Variants in KCNK2 observed in about 807,000 individuals in gnomAD.
KCNK2 encodes potassium two pore domain channel subfamily K member 2, also known as potassium channel subfamily K member 2.
Under a neutral mutation model 40.5 loss-of-function variants are expected in KCNK2, and 21 were observed. The ratio of observed to expected loss-of-function variants is 0.52; its 90% CI spans 0.37 to 0.75. The LOEUF is 0.75. Ranked by LOEUF, KCNK2 falls within the 30% of genes least tolerant of loss-of-function variation. The probability of loss-of-function intolerance (pLI) is 0.00; values close to 1 mark genes in which losing one functional copy is unlikely to be tolerated. For missense variants in KCNK2, 399 were observed against 531.6 expected (o/e 0.75, Z 2.45); for synonymous variants, 191 against 202.2 (o/e 0.94, Z 0.47).
At chr1:215,218,434 T>A (rs1666041400) in intron 6 of KCNK2, among the ~76,000 whole-genome samples, 1 of 152,210 alleles carries the variant, frequency 6.6e-6, no homozygotes, top group Non-Finnish European at 1.5e-5. Flanking sequence ...TATGTCCTAC[T>A]CTAATGTCCC....
intron 1 of KCNK2, among the ~76,000 whole-genome samples, chr1:215,062,841 T>G (rs1312628509): frequency 1.3e-5 from 2 of 152,038 alleles, no homozygotes; most frequent in African/African-American, 4.8e-5. Flanking sequence ...AACTCAACTA[T>G]GTGTTGGGTG....
At chr1:215,231,919 A>T (rs1195574097) in intron 6 of KCNK2, among the ~76,000 whole-genome samples, 1 of 152,116 alleles carries the variant, frequency 6.6e-6, no homozygotes, top group Non-Finnish European at 1.5e-5. Context: ...ATCTCATGAG[A>T]CTAATTCACT....
At chr1:215,025,442 T>C (rs1208136400) in intron 1 of KCNK2, among the ~76,000 whole-genome samples, 1 of 152,074 alleles carries the variant, frequency 6.6e-6, no homozygotes, top group Non-Finnish European at 1.5e-5. Context: ...CATTCTCCTA[T>C]ATTTACCTCT....
At chr1:215,148,360 C>A (rs1049728093) in intron 3 of KCNK2, among the ~76,000 whole-genome samples, 15 of 151,678 alleles carry the variant, frequency 9.9e-5, no homozygotes, top group Non-Finnish European at 2.1e-4. Flanking sequence ...CAGGCATGAC[C>A]CACCATGCCT....
At chr1:215,191,965 G>T (rs2102661037) in intron 5 of KCNK2, among the ~76,000 whole-genome samples, 1 of 152,212 alleles carries the variant, frequency 6.6e-6, no homozygotes, top group Admixed American at 6.5e-5. Flanking sequence ...GTCAATAATA[G>T]AAATTACACT....
intron 2 of KCNK2, among the ~76,000 whole-genome samples, chr1:215,091,870 A>G (rs934123423): frequency 5.9e-5 from 9 of 152,134 alleles, no homozygotes; most frequent in Non-Finnish European, 8.8e-5. Context: ...CCGAGGGGAG[A>G]GTTCCTGGCA....
chr1:215,154,804 G>A (rs539957107), intron 3 of KCNK2, among the ~76,000 whole-genome samples: 1 of 152,212 alleles, frequency 6.6e-6, no homozygotes, highest in African/African-American at 2.4e-5. Context: ...CATATGGCTA[G>A]CCAGTTTTCC....
At chr1:215,233,056 G>T (rs1467240381) in intron 6 of KCNK2, among the ~76,000 whole-genome samples, 2 of 152,136 alleles carry the variant, frequency 1.3e-5, no homozygotes, top group Non-Finnish European at 2.9e-5. Context: ...TACATGTTTA[G>T]TAATCAGTTC....
At chr1:215,079,720 A>G (rs937027349), upstream of KCNK2, among the ~76,000 whole-genome samples, 5 of 152,178 alleles carry the variant, frequency 3.3e-5, no homozygotes, top group Admixed American at 2.0e-4. Context: ...GGGATAAACC[A>G]TCCTATTTCC....
At chr1:215,200,450 A>G (rs1272169459) in intron 6 of KCNK2, among the ~76,000 whole-genome samples, 2 of 152,338 alleles carry the variant, frequency 1.3e-5, no homozygotes, top group African/African-American at 4.8e-5. Flanking sequence ...AGTTTGCAGT[A>G]GATCACTTTA....
chr1:215,112,200 C>T (rs1489016691), intron 2 of KCNK2, among the ~76,000 whole-genome samples: 1 of 151,978 alleles, frequency 6.6e-6, no homozygotes, highest in Non-Finnish European at 1.5e-5. Context: ...ATGTTTCAGT[C>T]AGTCTTCTCT....
At chr1:215,143,612 C>T (rs2102603743) in intron 3 of KCNK2, among the ~76,000 whole-genome samples, 1 of 152,206 alleles carries the variant, frequency 6.6e-6, no homozygotes, top group East Asian at 1.9e-4. Flanking sequence ...AAACAATGTG[C>T]CTAATCATGC....
At chr1:215,233,477 T>TAC (rs899003757) in intron 6 of KCNK2, among the ~76,000 whole-genome samples, 5 of 119,388 alleles carry the variant, frequency 4.2e-5, no homozygotes, top group Admixed American at 1.6e-4. Flanking sequence ...CACACACACG[T>TAC]ACACACACAC....
intron 3 of KCNK2, among the ~76,000 whole-genome samples, chr1:215,164,898 C>T (rs1159668432): frequency 6.6e-6 from 1 of 152,148 alleles, no homozygotes; most frequent in Non-Finnish European, 1.5e-5. Context: ...TAGTGCTTAG[C>T]AGAGTGCCTG....
At chr1:215,217,022 G>A (rs1346488149) in intron 6 of KCNK2, among the ~76,000 whole-genome samples, 1 of 152,212 alleles carries the variant, frequency 6.6e-6, no homozygotes, top group Non-Finnish European at 1.5e-5. Context: ...AGAAAGAAGA[G>A]GAGTAAAAGA....
At chr1:215,076,586 A>G (rs75530751) in intron 1 of KCNK2, among the ~76,000 whole-genome samples, 7,839 of 152,264 alleles carry the variant, frequency 0.051, 663 homozygotes, top group African/African-American at 0.18. Context: ...TACCACAGAA[A>G]GAGAATCAAG....
chr1:215,102,823 G>T (rs1356686818), intron 2 of KCNK2, among the ~76,000 whole-genome samples: 1 of 151,904 alleles, frequency 6.6e-6, no homozygotes, highest in Non-Finnish European at 1.5e-5. Context: ...GGAGCAAAAG[G>T]CTCTACCATA....
chr1:215,220,568 G>A (rs902708327), intron 6 of KCNK2, among the ~76,000 whole-genome samples: 4 of 152,236 alleles, frequency 2.6e-5, no homozygotes, highest in South Asian at 2.1e-4. Flanking sequence ...GCAACTGCAC[G>A]GATGGCTAAC....
chr1:215,144,814 A>T (rs1662342272), intron 3 of KCNK2, among the ~76,000 whole-genome samples: 2 of 152,172 alleles, frequency 1.3e-5, no homozygotes, highest in South Asian at 4.1e-4. Flanking sequence ...TCTGTGAGGG[A>T]TGTCAAAGTT....
Sources: gnomAD v4.1 joint callset for allele counts (sites outside exome capture counted in the v4.1 genomes callset) on GRCh38, gnomAD v4.1.1 for gene constraint, MANE v1.5 for transcripts, NCBI Gene and HGNC (gene_info 2026-07-23, HGNC 2026-07-21) for gene names.